Variants in KSR2 observed in about 807,000 individuals in gnomAD.
KSR2 encodes the protein kinase suppressor of ras 2.
KSR2 carries 25 observed loss-of-function variants against 107.8 expected under a neutral mutation model. The observed-to-expected ratio is 0.23, with a 90% CI of 0.17 to 0.32. The LOEUF is 0.32. KSR2 is among the 10% of genes least tolerant of loss of function. The probability of loss-of-function intolerance (pLI) is 1.00; values close to 1 mark genes in which losing one functional copy is unlikely to be tolerated. For synonymous variants in KSR2, 480 were observed against 507.0 expected, an observed-to-expected ratio of 0.95 and a Z score of 0.71; for missense variants, 887 against 1,268.9, an observed-to-expected ratio of 0.70 and a Z score of 4.57.
At chr12:117,567,284 C>A (rs566803514) in intron 7 of KSR2, among the ~76,000 whole-genome samples, 74 of 152,150 alleles carry the variant, frequency 4.9e-4, no homozygotes, top group Non-Finnish European at 7.5e-4. Context: ...CAGAGGTGTG[C>A]AAGAAAGATC....
At chr12:117,758,445 C>T (rs1226612639) in intron 4 of KSR2, among the ~76,000 whole-genome samples, 1 of 152,146 alleles carries the variant, frequency 6.6e-6, no homozygotes, top group Non-Finnish European at 1.5e-5. Flanking sequence ...TTCCACATCA[C>T]CAAACTGACC....
At position 117,628,236 on chromosome 12, in the gene KSR2, G is replaced by A. The variant is rs535195273; in HGVS notation, c.1171+39238C>T. Among the ~76,000 whole-genome samples, 22 of 152,160 alleles carry A rather than the reference G, an allele frequency of 1.4e-4. No homozygotes were observed. In the East Asian group the frequency reaches 2.1e-3, roughly 15 times the overall value. ...GTCATTCTCTGTCCAGCTTTGTTCCGTTGCTGGTGAGGAGCTGCAATCCTT... is the reference window on the plus strand; with the variant it reads ...GTCATTCTCTGTCCAGCTTTGTTCCATTGCTGGTGAGGAGCTGCAATCCTT... On this transcript the variant is annotated intron_variant, in intron 5 of 19. Coordinates refer to ENST00000339824, the MANE Select transcript of KSR2 (RefSeq NM_173598.6).
At chr12:117,880,456 C>A (rs2137318356) in intron 1 of KSR2, among the ~76,000 whole-genome samples, 1 of 152,102 alleles carries the variant, frequency 6.6e-6, no homozygotes, top group Non-Finnish European at 1.5e-5. Context: ...AAAAAGCACC[C>A]CAAGCCCCCC....
intron 3 of KSR2, among the ~76,000 whole-genome samples, chr12:117,844,847 T>C (rs1055217409): frequency 5.3e-5 from 8 of 152,144 alleles, no homozygotes; most frequent in Non-Finnish European, 2.9e-5. Flanking sequence ...TAAGAAGCTT[T>C]TCTTTTCTCA....
chr12:117,619,407 T>A (rs1057433220), intron 5 of KSR2, among the ~76,000 whole-genome samples: 20 of 152,018 alleles, frequency 1.3e-4, no homozygotes, highest in Non-Finnish European at 1.5e-5. Context: ...TTCCCCTTCC[T>A]GTGTGCATGT....
chr12:117,610,082 G>A (rs1215759727), intron 5 of KSR2, among the ~76,000 whole-genome samples: 2 of 151,966 alleles, frequency 1.3e-5, no homozygotes, highest in Middle Eastern at 3.4e-3. Flanking sequence ...TGCTTATATC[G>A]TTTTCTTATT....
intron 7 of KSR2, among the ~76,000 whole-genome samples, chr12:117,561,188 T>C (rs908791688): frequency 6.6e-6 from 1 of 151,912 alleles, no homozygotes; most frequent in Non-Finnish European, 1.5e-5. Context: ...CATGACAGAG[T>C]GTTAGACAAA....
At chr12:117,594,001 G>C (rs1257020757) in intron 5 of KSR2, among the ~76,000 whole-genome samples, 1 of 152,172 alleles carries the variant, frequency 6.6e-6, no homozygotes. Context: ...TGATGGATGG[G>C]TCTTAAGTTC....
At chr12:117,645,908 T>C (rs60516509) in intron 5 of KSR2, among the ~76,000 whole-genome samples, 13 of 140,470 alleles carry the variant, frequency 9.3e-5, no homozygotes, top group African/African-American at 3.6e-4. Flanking sequence ...TGTGTGTGTG[T>C]GTGTGTACAG....
intron 4 of KSR2, among the ~76,000 whole-genome samples, chr12:117,730,707 G>C (rs1018540982): frequency 6.6e-6 from 1 of 152,220 alleles, no homozygotes; most frequent in African/African-American, 2.4e-5. Flanking sequence ...ACGGGGTTTC[G>C]CTGTGTTGGC....
intron 4 of KSR2, among the ~76,000 whole-genome samples, chr12:117,708,379 C>A (rs1042410862): frequency 6.6e-6 from 1 of 152,088 alleles, no homozygotes; most frequent in African/African-American, 2.4e-5. Flanking sequence ...GAGATTTCCC[C>A]CACTAGAGAT....
chr12:117,736,073 A>G (rs1238787213), intron 4 of KSR2, among the ~76,000 whole-genome samples: 2 of 152,214 alleles, frequency 1.3e-5, no homozygotes, highest in East Asian at 1.9e-4. Flanking sequence ...AGATATGCCA[A>G]CCTGACTTTT....
At chr12:117,730,513 T>TC (rs1446900252) in intron 4 of KSR2, among the ~76,000 whole-genome samples, 10 of 149,338 alleles carry the variant, frequency 6.7e-5, no homozygotes, top group African/African-American at 2.0e-4. Context: ...TTCCACGGTC[T>TC]CCCTCTCCCT....
intron 14 of KSR2, among the ~76,000 whole-genome samples, chr12:117,512,143 C>T (rs1366003460): frequency 2.0e-5 from 3 of 152,214 alleles, no homozygotes; most frequent in Non-Finnish European, 2.9e-5. Flanking sequence ...TAAAGGAAGT[C>T]TGCATGCAGT....
chr12:117,582,193 A>T, intron 6 of KSR2, 97 bp downstream of exon 6: 1 of 1,015,886 alleles, frequency 9.8e-7, no homozygotes, highest in Non-Finnish European at 1.5e-6. Flanking sequence ...CTGGAGCTCA[A>T]TAGCCTAGCC....
At chr12:117,914,441 A>AG in intron 1 of KSR2, among the ~76,000 whole-genome samples, 2 of 152,040 alleles carry the variant, frequency 1.3e-5, no homozygotes, top group South Asian at 4.1e-4. Flanking sequence ...AAAAAAAAAA[A>AG]AAGCCAAACA....
chr12:117,894,553 C>T (rs928215412), intron 1 of KSR2, among the ~76,000 whole-genome samples: 1 of 152,084 alleles, frequency 6.6e-6, no homozygotes, highest in Admixed American at 6.6e-5. Context: ...TCTGTGTCCC[C>T]ACACAAATCT....
chr12:117,928,498 AG>A (rs1343927983), intron 1 of KSR2, among the ~76,000 whole-genome samples: 1 of 152,082 alleles, frequency 6.6e-6, no homozygotes, highest in African/African-American at 2.4e-5. Flanking sequence ...TTCCTTTGTA[AG>A]GCTAAATAAT....
At position 117,855,385 on chromosome 12, in the gene KSR2, C is replaced by T. The variant is rs565015693; in HGVS notation, c.472+43G>A. The T allele has an allele frequency of 4.9e-5, 79 of 1,612,206 alleles. No homozygotes were observed. The East Asian group carries it at 1.6e-3, about 34-fold the overall frequency. ...ATGCCGAGGGACCGCGGCAGCTGTGCTGGGGACAAGTCTCCACATCCCCGA... is the reference window on the plus strand; with the variant it reads ...ATGCCGAGGGACCGCGGCAGCTGTGTTGGGGACAAGTCTCCACATCCCCGA... On this transcript the variant is annotated intron_variant, in intron 3 of 19. Coordinates refer to ENST00000339824, the MANE Select transcript of KSR2 (RefSeq NM_173598.6).
Sources: allele counts gnomAD v4.1 joint callset (sites outside exome capture counted in the v4.1 genomes callset), GRCh38; gene constraint gnomAD v4.1.1; transcripts MANE v1.5; gene names NCBI Gene and HGNC (gene_info 2026-07-23, HGNC 2026-07-21).